Variants in ELN observed in about 807,000 individuals in gnomAD.
ELN encodes tropoelastin.
A neutral mutation model predicts 105.8 loss-of-function variants in ELN; 65 were observed. The observed-to-expected ratio is 0.61, with a 90% CI of 0.50 to 0.75. The LOEUF is 0.75. ELN is among the 30% of genes least tolerant of loss of function. ELN has a pLI of 0.00. For missense variants in ELN, 882 were observed against 969.4 expected (o/e 0.91, Z 1.20); for synonymous variants, 368 against 389.2 (o/e 0.95, Z 0.64).
chr7:74,048,596 C>T (rs781876196), intron 15 of ELN, 40 bp downstream of exon 15: 8 of 1,611,858 alleles, frequency 5.0e-6, no homozygotes, highest in Non-Finnish European at 6.8e-6. Context: ...GCCTCCAGGC[C>T]CCTAGCCTCT....
chr7:74,030,067 C>G (rs1788326163), intron 1 of ELN, among the ~76,000 whole-genome samples: 1 of 152,246 alleles, frequency 6.6e-6, no homozygotes. Flanking sequence ...AAACGCCCAG[C>G]TGGCCTCACA....
chr7:74,046,253 G>C (rs782082639), intron 11 of ELN, 36 bp downstream of exon 11: 3 of 1,613,938 alleles, frequency 1.9e-6, no homozygotes, highest in Non-Finnish European at 2.5e-6. Flanking sequence ...AGGGTGGCCA[G>C]CCAGGCAGAG....
chr7:74,030,338 C>A (rs1554661482), intron 1 of ELN, among the ~76,000 whole-genome samples: 4 of 152,222 alleles, frequency 2.6e-5, no homozygotes, highest in African/African-American at 9.6e-5. Flanking sequence ...AAGGAAGGAA[C>A]CCTGTTGCGG....
At chr7:74,042,852 T>C in intron 6 of ELN, 132 bp from the exon 7 acceptor site, 1 of 1,553,024 alleles carries the variant, frequency 6.4e-7, no homozygotes, top group Non-Finnish European at 8.8e-7. Context: ...GGGAGGCAGC[T>C]AGCTGTGCCC....
At chr7:74,046,098 G>T in intron 10 of ELN, 90 bp from the exon 11 acceptor site, 1 of 1,560,530 alleles carries the variant, frequency 6.4e-7, no homozygotes. Flanking sequence ...GGGAAGAACT[G>T]GCCATTCCTT....
chr7:74,065,790 G>A (rs1797809810), intron 30 of ELN, 58 bp downstream of exon 30: 7 of 1,611,954 alleles, frequency 4.3e-6, no homozygotes, highest in East Asian at 2.2e-5. Context: ...CATGCCCATC[G>A]CCACCCTCCC....
At chr7:74,048,252 G>C (rs782694105) in intron 14 of ELN, 51 bp downstream of exon 14, 6 of 1,612,310 alleles carry the variant, frequency 3.7e-6, no homozygotes, top group Non-Finnish European at 5.1e-6. Flanking sequence ...GATCTTCCAG[G>C]CTCCAGAGCC....
Position 74,060,477 on chromosome 7 carries a change from G to T in ELN, c.1723G>T (p.Ala575Ser). The T allele has an allele frequency of 6.2e-7, 1 of 1,614,256 alleles. No homozygotes were observed. Among genetic ancestry groups the T allele is most frequent in the Non-Finnish European group, 8.5e-7 (1 of 1,180,038 alleles). ...TGGTGTTCCTGGACTTGGAGTTGGT[G>T]CTGGTGTTCCTGGCTTCGGGGCAGG... ...GAGVPGLGVG[A>S]GVPGFGAVPG... Residue 575 changes from alanine (A) to serine (S), a missense_variant, in exon 25 of 33, where the codon GCT becomes TCT. Physicochemically the swap from Ala to Ser is moderately conservative, Grantham distance 99 (BLOSUM62 1). Coordinates refer to ENST00000252034, the MANE Select transcript of ELN (RefSeq NM_000501.4).
At position 74,059,692 on chromosome 7, in the gene ELN, CAA is replaced by C. The variant is rs367999492; in HGVS notation, c.1415-192_1415-191del. 2.3e-3 allele frequency: 1,556 copies of C among 664,726 alleles called. 19 individuals carry two copies. The East Asian group carries it at 0.03, about 13-fold the overall frequency. 41.2% of individuals were successfully genotyped at this position (664,726 alleles called of 1,614,324 possible). A position where few individuals can be genotyped will look rare whatever the true frequency, so the allele number is the denominator to read the frequency against. ...GAGTGAGACTCTGTCTCCAAAAAAA[CAA>C]AGTTATGAACTCCTGAGCCTGCACA... On this transcript the variant is annotated intron_variant, in intron 22 of 32. Coordinates refer to ENST00000252034, the MANE Select transcript of ELN (RefSeq NM_000501.4).
Position 74,053,272 on chromosome 7 carries a change from T to C in ELN, c.1059T>C (p.Val353=), listed in dbSNP as rs1167466128. ...GVGVPGAGIP[V]VPGAGIPGAA... Reference sequence around the variant, plus strand: ...GTGTCCCAGGAGCTGGGATTCCAGTTGTCCCAGGTGCTGGGATCCCAGGTG... The same window carrying C: ...GTGTCCCAGGAGCTGGGATTCCAGTCGTCCCAGGTGCTGGGATCCCAGGTG... The change falls in exon 18 of 33, where the codon GTT becomes GTC. Residue 353 remains valine, a synonymous_variant. Transcript: ENST00000252034. The C allele has an allele frequency of 6.2e-7, 1 of 1,613,750 alleles. No individual in the cohort carries two copies. The highest frequency in any genetic ancestry group is 8.5e-7 in the Non-Finnish European group (1 of 1,179,940).
chr7:74,065,112 C>T (rs549533865), intron 29 of ELN, among the ~76,000 whole-genome samples: 19 of 151,966 alleles, frequency 1.3e-4, no homozygotes, highest in Non-Finnish European at 2.5e-4. Flanking sequence ...ATTAGCTGGG[C>T]GTGGTGTGTG....
At chr7:74,065,616 GAAA>G (rs71519315) in intron 29 of ELN, 75 bp from the exon 30 acceptor site, 2,257 of 1,267,172 alleles carry the variant, frequency 1.8e-3, no homozygotes, top group Non-Finnish European at 1.9e-3. Context: ...TCTGCCTCAA[GAAA>G]AAAAAAAAAA....
In ELN at chr7:74,041,360, G is replaced by A. The variant is rs566039113; in HGVS notation, c.232+109G>A. On this transcript the variant is annotated intron_variant, in intron 5 of 32. Coordinates refer to ENST00000252034, the MANE Select transcript of ELN (RefSeq NM_000501.4). ...GGAACAAGGGTGCAGGCCAGGTTCC[G>A]TCCTGGGCACTGACGGGGACTGATG... The A allele has an allele frequency of 1.3e-5, 19 of 1,419,334 alleles. 1 individual carries two copies. The highest frequency in any genetic ancestry group is 1.8e-4 in the Middle Eastern group (1 of 5,492). The allele number at this position is 1,419,334 out of a possible 1,614,324, so 87.9% of individuals were successfully genotyped here.
chr7:74,038,593 C>T (rs142475789), intron 4 of ELN, among the ~76,000 whole-genome samples: 1 of 152,336 alleles, frequency 6.6e-6, no homozygotes, highest in East Asian at 1.9e-4. Flanking sequence ...GAAATACTGG[C>T]GGATAAGGAG....
intron 19 of ELN, 38 bp from the exon 20 acceptor site, chr7:74,056,233 C>T: frequency 6.2e-7 from 1 of 1,614,180 alleles, no homozygotes. Flanking sequence ...GCCTCTCTCA[C>T]TGAGCTTCTT....
chr7:74,042,649 G>C lies in ELN; in HGVS notation c.268G>C (p.Ala90Pro). The C allele has an allele frequency of 6.2e-7, 1 of 1,613,642 alleles. No homozygotes were observed. The highest frequency in any genetic ancestry group is 8.5e-7 in the Non-Finnish European group (1 of 1,180,012). The change falls in exon 6 of 33, where the codon GCT (alanine) becomes CCT (proline). Residue 90 changes from alanine to proline, a missense_variant. By Grantham distance (27) the Ala-to-Pro change is conservative (BLOSUM62 -1). Transcript: ENST00000252034. Reference protein sequence around the residue: ...GAFPAVTFPGALVPGGVADAA... With the variant: ...GAFPAVTFPGPLVPGGVADAA... The stretch of plus-strand genomic sequence containing the variant: ...CTTCCCCGCAGTTACCTTTCCGGGG[G>C]CTCTGGTGCCTGGTGGAGTGGCTGA...
chr7:74,064,414 CA>C (rs782201893), intron 29 of ELN, among the ~76,000 whole-genome samples: 13 of 134,324 alleles, frequency 9.7e-5, no homozygotes, highest in Admixed American at 6.6e-4. Context: ...GACTCCGTCT[CA>C]AAAAAAAAAT....
chr7:74,036,632 C>A, intron 3 of ELN, 48 bp downstream of exon 3: 1 of 1,613,746 alleles, frequency 6.2e-7, no homozygotes, highest in Non-Finnish European at 8.5e-7. Context: ...GCCTGGGTTT[C>A]ACCCGAGCCA....
chr7:74,067,933 CAAAAAAAAAAAA>C (rs782107951), intron 32 of ELN, among the ~76,000 whole-genome samples: 5 of 19,888 alleles, frequency 2.5e-4, no homozygotes, highest in Admixed American at 1.1e-3. Context: ...GATTGCGTCT[CAAAAAAAAAAAA>C]AAAAAAAAAA....
Sources: gnomAD v4.1 joint callset for allele counts (sites outside exome capture counted in the v4.1 genomes callset) on GRCh38, gnomAD v4.1.1 for gene constraint, MANE v1.5 for transcripts, NCBI Gene and HGNC (gene_info 2026-07-23, HGNC 2026-07-21) for gene names.